Variants in BCAS3 observed in about 807,000 individuals in gnomAD.
BCAS3 encodes the protein BCAS3 microtubule associated cell migration factor.
BCAS3 carries 53 observed loss-of-function variants against 116.1 expected under a neutral mutation model. The observed-to-expected ratio is 0.46, with a 90% CI of 0.37 to 0.57. The LOEUF (loss-of-function observed/expected upper bound fraction) is 0.57. BCAS3 is among the 20% of genes least tolerant of loss of function. The pLI is 0.00. For missense variants in BCAS3, 917 were observed against 1,165.4 expected (o/e 0.79, Z 3.10); for synonymous variants, 391 against 408.2 (o/e 0.96, Z 0.51).
chr17:61,362,074 A>G lies in BCAS3; in HGVS notation c.2426-6253A>G, dbSNP rs1390052789. 3.3e-5 allele frequency among the ~76,000 whole-genome samples: 5 copies of G among 152,202 alleles called. No homozygotes were observed. Among genetic ancestry groups the G allele is most frequent in the African/African-American group, 1.2e-4 (5 of 41,442 alleles). On this transcript the variant is annotated intron_variant, in intron 22 of 23. Transcript: ENST00000407086. The surrounding 1 kb of genome is among the most constrained non-coding windows in gnomAD (Gnocchi z 4.4). ...TCCCTTAGTCCAGTCAAGTTGATAC[A>G]TGAAATTGACCATTGCACCAAGAAG...
chr17:60,903,916 C>G (rs545552934), intron 11 of BCAS3, among the ~76,000 whole-genome samples: 2 of 152,134 alleles, frequency 1.3e-5, no homozygotes, highest in Non-Finnish European at 1.5e-5. Flanking sequence ...TTAGACTTGT[C>G]TATCTCATAC....
At chr17:60,982,004 A>G (rs994961622) in intron 14 of BCAS3, among the ~76,000 whole-genome samples, 1 of 152,212 alleles carries the variant, frequency 6.6e-6, no homozygotes, top group East Asian at 1.9e-4. Context: ...ATCTGAAAAG[A>G]AATTATATGT....
Position 61,227,514 on chromosome 17 carries a change from G to T in BCAS3, c.2426-140813G>T, listed in dbSNP as rs761406466. Among the ~76,000 whole-genome samples, 6 of 152,206 alleles carry T rather than the reference G, an allele frequency of 3.9e-5. No homozygotes were observed. Among genetic ancestry groups the T allele is most frequent in the Non-Finnish European group, 8.8e-5 (6 of 68,036 alleles). ...TTTCTTTAGCTTTTGGGAGGAATTTGTGTTTGCCCATGAATGAAGTGAAAT... is the reference window on the plus strand; with the variant it reads ...TTTCTTTAGCTTTTGGGAGGAATTTTTGTTTGCCCATGAATGAAGTGAAAT... On this transcript the variant is annotated intron_variant, in intron 22 of 23. Coordinates refer to ENST00000407086, the MANE Select transcript of BCAS3 (RefSeq NM_017679.5). The surrounding 1 kb of genome is among the most constrained non-coding windows in gnomAD (Gnocchi z 6.1).
chr17:61,166,640 C>T (rs1248079628), intron 22 of BCAS3, among the ~76,000 whole-genome samples: 6 of 152,154 alleles, frequency 3.9e-5, no homozygotes, highest in East Asian at 1.9e-4. Context: ...TCAAGTGATC[C>T]GCCTGCCTTG....
chr17:60,811,529 A>G, intron 7 of BCAS3: 3 of 372,208 alleles, frequency 8.1e-6, no homozygotes, highest in Non-Finnish European at 1.5e-5. Context: ...GTAAAAAAAA[A>G]AAAGAAAAAA....
intron 15 of BCAS3, among the ~76,000 whole-genome samples, chr17:60,991,381 G>T (rs182358139): frequency 2.2e-4 from 33 of 152,246 alleles, no homozygotes; most frequent in African/African-American, 7.7e-4. Context: ...CAGGTTTGGG[G>T]ATAATATGTA....
chr17:60,938,804 C>T (rs547570815), intron 13 of BCAS3, among the ~76,000 whole-genome samples: 1 of 152,066 alleles, frequency 6.6e-6, no homozygotes, highest in African/African-American at 2.4e-5. Flanking sequence ...TTTAAACAAT[C>T]ATGTCACAAA....
intron 22 of BCAS3, among the ~76,000 whole-genome samples, chr17:61,155,797 G>A (rs1601619089): frequency 6.6e-6 from 1 of 152,288 alleles, no homozygotes; most frequent in Middle Eastern, 3.4e-3. Flanking sequence ...TCAGGGAGGA[G>A]CAGAGAAGAA....
chr17:61,195,021 AGCTCT>A (rs1326069772), intron 22 of BCAS3, among the ~76,000 whole-genome samples: 1 of 152,224 alleles, frequency 6.6e-6, no homozygotes, highest in Non-Finnish European at 1.5e-5. Context: ...CTTTCTGACA[AGCTCT>A]CATGGAGCTT....
At chr17:61,078,101 G>A (rs927948530) in intron 20 of BCAS3, among the ~76,000 whole-genome samples, 2 of 152,130 alleles carry the variant, frequency 1.3e-5, no homozygotes, top group Admixed American at 1.3e-4. Flanking sequence ...GTATGTATAT[G>A]TACACAAAAT....
At chr17:60,914,060 A>G (rs1468064892) in intron 12 of BCAS3, among the ~76,000 whole-genome samples, 1 of 152,176 alleles carries the variant, frequency 6.6e-6, no homozygotes, top group Non-Finnish European at 1.5e-5. Context: ...AGTGTTATTC[A>G]TAATAATTTA....
chr17:61,222,920 G>C lies in BCAS3; in HGVS notation c.2425+138356G>C, dbSNP rs2082186043. 6.6e-6 allele frequency among the ~76,000 whole-genome samples: 1 copy of C among 152,088 alleles called. No individual in the cohort carries two copies. Among genetic ancestry groups the C allele is most frequent in the Admixed American group, 6.6e-5 (1 of 15,266 alleles). On this transcript the variant is annotated intron_variant, in intron 22 of 23. Transcript: ENST00000407086. The surrounding 1 kb of genome is among the most constrained non-coding windows in gnomAD (Gnocchi z 6.1). ...AGATGGGGGTTGTAATTTGTTTGCT[G>C]TTTAGGAGCCAGCCCTTCAGCTTCC...
At chr17:60,911,823 TGAG>T (rs577169631) in intron 12 of BCAS3, among the ~76,000 whole-genome samples, 164 of 152,358 alleles carry the variant, frequency 1.1e-3, no homozygotes, top group African/African-American at 3.6e-3. Flanking sequence ...CACAATTTAC[TGAG>T]TAGTATCAAA....
At chr17:60,868,858 ACTT>A (rs1299147362) in intron 8 of BCAS3, among the ~76,000 whole-genome samples, 175 bp downstream of exon 8, 2 of 152,212 alleles carry the variant, frequency 1.3e-5, no homozygotes, top group East Asian at 3.8e-4. Flanking sequence ...ATATATTCAG[ACTT>A]CTAGTCTTGA....
chr17:60,861,264 G>C (rs1166217634), intron 7 of BCAS3, among the ~76,000 whole-genome samples: 1 of 152,130 alleles, frequency 6.6e-6, no homozygotes. Context: ...TTGTGAATGA[G>C]ATTACTTTCT....
Position 61,235,461 on chromosome 17 carries a change from GTTA to G in BCAS3, c.2426-132860_2426-132858del, listed in dbSNP as rs1232077410. On this transcript the variant is annotated intron_variant, in intron 22 of 23. Transcript: ENST00000407086. The surrounding 1 kb of genome is among the most constrained non-coding windows in gnomAD (Gnocchi z 5.0). Reference sequence around the variant, plus strand: ...TGAATGTGCTTGTTTAGCAGGTAGAGTTATTATTCTCTTATGTTCAAATTTATT... The same window carrying G: ...TGAATGTGCTTGTTTAGCAGGTAGAGTTATTCTCTTATGTTCAAATTTATT... Among the ~76,000 whole-genome samples, 1 of 152,194 alleles carries G rather than the reference GTTA, an allele frequency of 6.6e-6. No individual in the cohort carries two copies. The highest frequency in any genetic ancestry group is 2.1e-4 in the South Asian group (1 of 4,834).
chr17:61,183,477 A>T (rs555816560), intron 22 of BCAS3, among the ~76,000 whole-genome samples: 1 of 152,294 alleles, frequency 6.6e-6, no homozygotes, highest in African/African-American at 2.4e-5. Context: ...TAAGCATTGT[A>T]CAAAGGACTC....
At chr17:60,779,189 C>A (rs968923022) in intron 6 of BCAS3, among the ~76,000 whole-genome samples, 1 of 151,892 alleles carries the variant, frequency 6.6e-6, no homozygotes, top group African/African-American at 2.4e-5. Context: ...CTCCCCACCC[C>A]CAAATAAAAC....
intron 4 of BCAS3, among the ~76,000 whole-genome samples, chr17:60,691,967 A>C (rs750246103): frequency 6.6e-6 from 1 of 151,908 alleles, no homozygotes; most frequent in Non-Finnish European, 1.5e-5. Context: ...AAGTAGAAGC[A>C]GTAAAGCCCC....
Sources: gnomAD v4.1 joint callset for allele counts (sites outside exome capture counted in the v4.1 genomes callset) on GRCh38, gnomAD v4.1.1 for gene constraint, Gnocchi (gnomAD v3.1) non-coding constraint, MANE v1.5 for transcripts, NCBI Gene and HGNC (gene_info 2026-07-23, HGNC 2026-07-21) for gene names.